The following ARHGAP6 variants were observed in gnomAD, a reference collection of about 807,000 sequenced individuals.
ARHGAP6 encodes rho GTPase-activating protein 6.
A neutral mutation model predicts 55.7 loss-of-function variants in ARHGAP6; 16 were observed. The ratio of observed to expected loss-of-function variants is 0.29; its 90% CI spans 0.19 to 0.44. The LOEUF (loss-of-function observed/expected upper bound fraction) is 0.44, where lower values mean the gene tolerates loss of function less well. Among genes scored for constraint, ARHGAP6 ranks in the 20% least tolerant of loss-of-function variants. ARHGAP6 has a pLI of 1.00. For missense variants in ARHGAP6, 698 were observed against 808.9 expected (o/e 0.86, Z 1.66); for synonymous variants, 382 against 360.9 (o/e 1.06, Z -0.66).
chrX:11,383,375 A>G (rs1244031549), intron 1 of ARHGAP6, among the ~76,000 whole-genome samples: 1 of 111,711 alleles, frequency 9.0e-6, no homozygotes, highest in Non-Finnish European at 1.9e-5. Flanking sequence ...AGTGAATTCT[A>G]AAATTAAGAG....
chrX:11,396,693 G>A (rs1449713474), intron 1 of ARHGAP6, among the ~76,000 whole-genome samples: 1 of 111,386 alleles, frequency 9.0e-6, no homozygotes, highest in East Asian at 2.8e-4. Flanking sequence ...GCCAAGATGA[G>A]AGACGCTGAC....
chrX:11,254,974 C>A (rs2047473972), intron 1 of ARHGAP6, among the ~76,000 whole-genome samples: 1 of 110,972 alleles, frequency 9.0e-6, no homozygotes, highest in African/African-American at 3.3e-5. Context: ...TAGAAAGATA[C>A]TGTGAGGGTC....
At chrX:11,348,023 T>A (rs893698646) in intron 1 of ARHGAP6, among the ~76,000 whole-genome samples, 3 of 112,139 alleles carry the variant, frequency 2.7e-5, no homozygotes, top group Admixed American at 1.9e-4. Context: ...ACTTTCCCCA[T>A]ACAATTTGGA....
At chrX:11,318,918 G>A (rs1478957427) in intron 1 of ARHGAP6, among the ~76,000 whole-genome samples, 1 of 111,904 alleles carries the variant, frequency 8.9e-6, no homozygotes, top group Non-Finnish European at 1.9e-5. Context: ...TGCAGTGAAG[G>A]AAACCACCCA....
intron 1 of ARHGAP6, among the ~76,000 whole-genome samples, chrX:11,353,549 AGTGTGTGTGTGTGTGTGTGTGT>A (rs200177159): frequency 7.6e-4 from 63 of 82,472 alleles, no homozygotes; most frequent in African/African-American, 2.0e-3. Flanking sequence ...TATTGCTTAT[AGTGTGTGTGTGTGTGTGTGTGT>A]GTGTGTGTGT....
chrX:11,621,848 C>G (rs1333704582), intron 1 of ARHGAP6, among the ~76,000 whole-genome samples: 2 of 111,452 alleles, frequency 1.8e-5, no homozygotes, highest in African/African-American at 6.5e-5. Flanking sequence ...CACCTAGACA[C>G]ATTTTAGTCA....
intron 1 of ARHGAP6, chrX:11,367,704 G>T: frequency 5.6e-6 from 3 of 532,367 alleles, no homozygotes; most frequent in Non-Finnish European, 6.9e-6. Context: ...GTTTCTGGAA[G>T]TGACAGATCT....
intron 1 of ARHGAP6, among the ~76,000 whole-genome samples, chrX:11,544,013 G>C (rs2051187154): frequency 8.9e-6 from 1 of 112,483 alleles, no homozygotes; most frequent in African/African-American, 3.2e-5. Context: ...TAATGCTAAA[G>C]CCATATCAAG....
At chrX:11,385,834 TAA>T (rs771657017) in intron 1 of ARHGAP6, among the ~76,000 whole-genome samples, 2 of 111,960 alleles carry the variant, frequency 1.8e-5, no homozygotes, top group African/African-American at 3.2e-5. Flanking sequence ...GCAAAAATGA[TAA>T]AAAAATGAGA....
intron 1 of ARHGAP6, among the ~76,000 whole-genome samples, chrX:11,593,581 G>C (rs956881848): frequency 9.0e-6 from 1 of 111,683 alleles, no homozygotes; most frequent in African/African-American, 3.3e-5. Flanking sequence ...GTTAACTATA[G>C]ACTTTGGGTG....
At chrX:11,198,920 G>C (rs762979483) in intron 2 of ARHGAP6, among the ~76,000 whole-genome samples, 29 of 112,124 alleles carry the variant, frequency 2.6e-4, no homozygotes, top group Admixed American at 3.8e-4. Context: ...TTACTAGTCT[G>C]ACTTTTGCAA....
At position 11,585,109 on chromosome X, in the gene ARHGAP6, T is replaced by A. The variant is rs142559065; in HGVS notation, c.588+79132A>T. Among the ~76,000 whole-genome samples, 275 of 112,392 alleles carry A rather than the reference T, an allele frequency of 2.4e-3. 2 individuals carry two copies. Among genetic ancestry groups the A allele is most frequent in the Non-Finnish European group, 3.4e-3 (180 of 53,209 alleles). ...ATCCACGTTCCTGCAAAGGACATAA[T>A]CTCCCTCTCTTTTATGGCCACATAG... On this transcript the variant is annotated intron_variant, in intron 1 of 12. Transcript: ENST00000337414.
At chrX:11,147,023 A>G (rs984760362) in intron 10 of ARHGAP6, among the ~76,000 whole-genome samples, 1 of 111,828 alleles carries the variant, frequency 8.9e-6, no homozygotes, top group African/African-American at 3.3e-5. Flanking sequence ...TCTCATAACA[A>G]CATAGGCAGT....
intron 2 of ARHGAP6, among the ~76,000 whole-genome samples, chrX:11,252,305 C>G (rs978880943): frequency 8.9e-6 from 1 of 112,554 alleles, no homozygotes; most frequent in African/African-American, 3.2e-5. Context: ...CTCTTCACTA[C>G]AAATTAAGTT....
At chrX:11,491,766 C>G (rs2050571953) in intron 1 of ARHGAP6, among the ~76,000 whole-genome samples, 2 of 110,509 alleles carry the variant, frequency 1.8e-5, no homozygotes, top group East Asian at 2.9e-4. Flanking sequence ...ATTTCTAGTT[C>G]TAGATCCCTG....
Position 11,443,952 on chromosome X carries a change from AC to A in ARHGAP6, c.589-189246del, listed in dbSNP as rs1312283537. Among the ~76,000 whole-genome samples, 87 of 104,668 alleles carry A rather than the reference AC, an allele frequency of 8.3e-4. 1 individual carries two copies. In the Admixed American group the frequency reaches 9.3e-3, roughly 11 times the overall value. 90.9% of individuals were successfully genotyped at this position (104,668 alleles called of 115,157 possible). ...CAAACAAAACAAAACAAAAAAGAAA[AC>A]CAAAAAAAAAAAAATATTTCCTGGT... On this transcript the variant is annotated intron_variant, in intron 1 of 12. Transcript: ENST00000337414.
At chrX:11,300,988 T>C (rs886744323) in intron 1 of ARHGAP6, among the ~76,000 whole-genome samples, 3 of 111,852 alleles carry the variant, frequency 2.7e-5, no homozygotes, top group African/African-American at 9.7e-5. Context: ...GTTGATAAAA[T>C]GAAAATTTAT....
chrX:11,649,321 G>A (rs2052561118), intron 1 of ARHGAP6, among the ~76,000 whole-genome samples: 1 of 111,976 alleles, frequency 8.9e-6, no homozygotes, highest in African/African-American at 3.2e-5. Flanking sequence ...ATGCCATGCA[G>A]AGCCAAAGAA....
At position 11,370,065 on chromosome X, in the gene ARHGAP6, G is replaced by A. The variant is rs184394695; in HGVS notation, c.589-115358C>T. On this transcript the variant is annotated intron_variant, in intron 1 of 12. Coordinates refer to ENST00000337414, the MANE Select transcript of ARHGAP6 (RefSeq NM_013427.3). ...AGGCTGCCTCCTTTAGTTAGCATGC[G>A]TCAATAGCAGCAGTCAGAAGCAATT... 1.7e-4 allele frequency among the ~76,000 whole-genome samples: 19 copies of A among 112,335 alleles called. No individual in the cohort carries two copies. The East Asian group carries it at 2.5e-3, about 15-fold the overall frequency.
Sources: gnomAD v4.1 joint callset for allele counts (sites outside exome capture counted in the v4.1 genomes callset) on GRCh38, gnomAD v4.1.1 for gene constraint, MANE v1.5 for transcripts, NCBI Gene and HGNC (gene_info 2026-07-23, HGNC 2026-07-21) for gene names.